Variants in SLC2A13 observed in about 807,000 individuals in gnomAD.
SLC2A13 encodes solute carrier family 2 member 13, also known as proton myo-inositol cotransporter.
A neutral mutation model predicts 64.4 loss-of-function variants in SLC2A13; 32 were observed. The observed-to-expected ratio is 0.50, with a 90% CI of 0.37 to 0.67. The LOEUF is 0.67. Ranked by LOEUF, SLC2A13 falls within the 30% of genes least tolerant of loss-of-function variation. SLC2A13 has a pLI of 0.00. For missense variants in SLC2A13, 743 were observed against 829.2 expected, an observed-to-expected ratio of 0.90 and a Z score of 1.28; for synonymous variants, 338 against 327.1, an observed-to-expected ratio of 1.03 and a Z score of -0.36.
intron 2 of SLC2A13, among the ~76,000 whole-genome samples, chr12:40,046,000 T>A (rs1592035970): frequency 6.6e-6 from 1 of 152,208 alleles, no homozygotes; most frequent in Non-Finnish European, 1.5e-5. Context: ...TCTTACAACA[T>A]CGATAGTAGC....
At chr12:39,806,123 T>A (rs1227740760) in intron 7 of SLC2A13, among the ~76,000 whole-genome samples, 3 of 152,176 alleles carry the variant, frequency 2.0e-5, no homozygotes, top group Non-Finnish European at 4.4e-5. Flanking sequence ...TATATGCAAG[T>A]TTCACAAGAG....
chr12:40,054,198 C>A (rs1012518638), intron 1 of SLC2A13, among the ~76,000 whole-genome samples: 2 of 152,024 alleles, frequency 1.3e-5, no homozygotes, highest in African/African-American at 4.8e-5. Context: ...TGCTCTGGTA[C>A]TATAACTCAA....
At chr12:39,815,653 A>G (rs1386513743) in intron 7 of SLC2A13, among the ~76,000 whole-genome samples, 1 of 152,242 alleles carries the variant, frequency 6.6e-6, no homozygotes, top group Non-Finnish European at 1.5e-5. Flanking sequence ...ATTATTGGTT[A>G]TAGAAAAAGC....
At chr12:40,099,880 A>T (rs17518476) in intron 1 of SLC2A13, among the ~76,000 whole-genome samples, 2,776 of 151,982 alleles carry the variant, frequency 0.018, 88 homozygotes, top group African/African-American at 0.063. Flanking sequence ...AACCAAAAAG[A>T]AAGAAAGTGG....
intron 7 of SLC2A13, among the ~76,000 whole-genome samples, chr12:39,776,036 T>C (rs1467880152): frequency 6.6e-6 from 1 of 152,218 alleles, no homozygotes; most frequent in East Asian, 1.9e-4. Flanking sequence ...ACAGTATTAA[T>C]TTGAGAAGAT....
chr12:39,911,285 T>C (rs1239852496), intron 4 of SLC2A13, among the ~76,000 whole-genome samples: 1 of 152,120 alleles, frequency 6.6e-6, no homozygotes, highest in African/African-American at 2.4e-5. Flanking sequence ...TACCCACGCT[T>C]TGCTTAAGTG....
intron 4 of SLC2A13, among the ~76,000 whole-genome samples, chr12:39,909,662 G>T (rs1398992049): frequency 6.6e-6 from 1 of 152,116 alleles, no homozygotes; most frequent in Non-Finnish European, 1.5e-5. Flanking sequence ...AGTCATGGTA[G>T]TCAAGGGGAT....
At chr12:39,969,390 G>A (rs1287988498) in intron 3 of SLC2A13, among the ~76,000 whole-genome samples, 1 of 152,124 alleles carries the variant, frequency 6.6e-6, no homozygotes, top group African/African-American at 2.4e-5. Flanking sequence ...CTTCCACAAT[G>A]GTTGAACTAG....
At chr12:39,796,620 C>T (rs576445802) in intron 7 of SLC2A13, among the ~76,000 whole-genome samples, 9 of 152,132 alleles carry the variant, frequency 5.9e-5, no homozygotes, top group Admixed American at 3.3e-4. Flanking sequence ...ACCCTAGTCA[C>T]TACTGAAAAA....
At chr12:39,845,556 G>C (rs1222988584) in intron 6 of SLC2A13, among the ~76,000 whole-genome samples, 1 of 152,104 alleles carries the variant, frequency 6.6e-6, no homozygotes, top group Non-Finnish European at 1.5e-5. Flanking sequence ...TGTGAATGTG[G>C]AGGACAAAGT....
intron 1 of SLC2A13, among the ~76,000 whole-genome samples, chr12:40,053,634 A>C (rs1224485138): frequency 6.6e-6 from 1 of 152,196 alleles, no homozygotes; most frequent in African/African-American, 2.4e-5. Context: ...CTGCCACCAG[A>C]CATCATGTTA....
intron 4 of SLC2A13, among the ~76,000 whole-genome samples, chr12:39,900,344 G>C (rs1362778501): frequency 6.6e-6 from 1 of 151,858 alleles, no homozygotes; most frequent in Non-Finnish European, 1.5e-5. Flanking sequence ...TGGCCAGGGC[G>C]ATTAGGCAGA....
At chr12:40,076,072 T>C (rs1938160367) in intron 1 of SLC2A13, among the ~76,000 whole-genome samples, 1 of 152,200 alleles carries the variant, frequency 6.6e-6, no homozygotes, top group Non-Finnish European at 1.5e-5. Context: ...CTGTTATCTT[T>C]TCCCTTAGCA....
chr12:39,915,075 A>G (rs1945501193), intron 4 of SLC2A13, among the ~76,000 whole-genome samples: 1 of 152,018 alleles, frequency 6.6e-6, no homozygotes, highest in African/African-American at 2.4e-5. Flanking sequence ...AGGAAAACCA[A>G]CAGAGAAATG....
chr12:39,900,711 A>C (rs978035712), intron 4 of SLC2A13, among the ~76,000 whole-genome samples: 2 of 152,180 alleles, frequency 1.3e-5, no homozygotes, highest in Non-Finnish European at 2.9e-5. Context: ...ATGGAAGAAC[A>C]TTCCATGCTC....
intron 3 of SLC2A13, among the ~76,000 whole-genome samples, chr12:39,980,047 C>A (rs1297515111): frequency 1.3e-5 from 2 of 151,830 alleles, no homozygotes; most frequent in African/African-American, 2.4e-5. Flanking sequence ...GAATTTTCAA[C>A]CCAGAATTTC....
chr12:39,868,296 C>A (rs1470950864), intron 5 of SLC2A13, among the ~76,000 whole-genome samples: 1 of 152,160 alleles, frequency 6.6e-6, no homozygotes, highest in African/African-American at 2.4e-5. Context: ...TAAAAATATT[C>A]TCCACAGGAA....
intron 1 of SLC2A13, among the ~76,000 whole-genome samples, chr12:40,104,859 A>C (rs1436681080): frequency 6.6e-6 from 1 of 152,190 alleles, no homozygotes; most frequent in African/African-American, 2.4e-5. Context: ...TGGAGAGGCA[A>C]GGTGGGACAG....
chr12:39,848,719 T>C (rs1395878787), intron 6 of SLC2A13, among the ~76,000 whole-genome samples: 1 of 152,088 alleles, frequency 6.6e-6, no homozygotes, highest in Non-Finnish European at 1.5e-5. Context: ...GACACATGCA[T>C]GGGAATGTTC....
Sources: allele counts gnomAD v4.1 joint callset (sites outside exome capture counted in the v4.1 genomes callset), GRCh38; gene constraint gnomAD v4.1.1; transcripts MANE v1.5; gene names NCBI Gene and HGNC (gene_info 2026-07-23, HGNC 2026-07-21).